Variants in ARHGAP15 observed in about 807,000 individuals in gnomAD.
ARHGAP15 encodes the protein Rho GTPase activating protein 15, also known as rho GTPase-activating protein 15.
A neutral mutation model predicts 63.7 loss-of-function variants in ARHGAP15; 51 were observed. The ratio of observed to expected loss-of-function variants is 0.80; its 90% CI spans 0.64 to 1.01. The LOEUF is 1.01. Among genes scored for constraint, ARHGAP15 ranks in the 50% least tolerant of loss-of-function variants. The pLI, the probability that ARHGAP15 is intolerant of heterozygous loss-of-function variation, is 0.00. For synonymous variants in ARHGAP15, 191 were observed against 193.8 expected (o/e 0.99, Z 0.12); for missense variants, 560 against 564.6 (o/e 0.99, Z 0.08).
intron 4 of ARHGAP15, among the ~76,000 whole-genome samples, chr2:143,218,196 A>C (rs1447646564): frequency 1.4e-5 from 2 of 143,152 alleles, no homozygotes; most frequent in Non-Finnish European, 3.1e-5. Flanking sequence ...ATTTGTTTGT[A>C]CTCTGTTTTA....
intron 6 of ARHGAP15, among the ~76,000 whole-genome samples, chr2:143,430,958 A>T (rs1457264857): frequency 6.6e-6 from 1 of 152,180 alleles, no homozygotes; most frequent in East Asian, 1.9e-4. Context: ...AAAATGCGAA[A>T]GGTATTTGTT....
At chr2:143,287,278 A>T (rs1682152081) in intron 6 of ARHGAP15, among the ~76,000 whole-genome samples, 1 of 152,182 alleles carries the variant, frequency 6.6e-6, no homozygotes, top group African/African-American at 2.4e-5. Flanking sequence ...ACACATTGGA[A>T]GAGATTAGAC....
At chr2:143,605,071 G>A (rs1005202136) in intron 11 of ARHGAP15, among the ~76,000 whole-genome samples, 3 of 152,062 alleles carry the variant, frequency 2.0e-5, no homozygotes, top group Non-Finnish European at 4.4e-5. Context: ...ACCATGCCTG[G>A]CTAAGTTTTG....
intron 2 of ARHGAP15, among the ~76,000 whole-genome samples, chr2:143,195,220 A>G (rs958776405): frequency 2.2e-4 from 33 of 150,374 alleles, no homozygotes; most frequent in African/African-American, 7.8e-4. Flanking sequence ...CCCCCTCCCA[A>G]AAAAAAAAGA....
intron 13 of ARHGAP15, among the ~76,000 whole-genome samples, chr2:143,741,508 T>A (rs1418674201): frequency 6.6e-6 from 1 of 152,236 alleles, no homozygotes; most frequent in African/African-American, 2.4e-5. Context: ...AACCCTCATG[T>A]GCCTTTTTTG....
At chr2:143,219,388 G>A (rs963994705) in intron 4 of ARHGAP15, among the ~76,000 whole-genome samples, 3 of 152,154 alleles carry the variant, frequency 2.0e-5, no homozygotes, top group Non-Finnish European at 2.9e-5. Flanking sequence ...ATCACCTAAC[G>A]ACACACTTCT....
At chr2:143,612,951 T>C (rs535580147) in intron 11 of ARHGAP15, among the ~76,000 whole-genome samples, 19 of 152,356 alleles carry the variant, frequency 1.2e-4, no homozygotes, top group African/African-American at 4.6e-4. Flanking sequence ...ATTGGTTTTC[T>C]AGTAGTTTAT....
chr2:143,611,607 T>A (rs1282994642), intron 11 of ARHGAP15, among the ~76,000 whole-genome samples: 1 of 152,208 alleles, frequency 6.6e-6, no homozygotes, highest in African/African-American at 2.4e-5. Flanking sequence ...CTTTCACTTC[T>A]ATGCTGATAA....
At chr2:143,541,996 A>G (rs1477841655) in intron 10 of ARHGAP15, among the ~76,000 whole-genome samples, 1 of 152,202 alleles carries the variant, frequency 6.6e-6, no homozygotes, top group East Asian at 1.9e-4. Flanking sequence ...AGAGGCAGGC[A>G]GGCCTCCTTG....
At chr2:143,445,204 A>C (rs1008805408) in intron 8 of ARHGAP15, among the ~76,000 whole-genome samples, 4 of 129,716 alleles carry the variant, frequency 3.1e-5, no homozygotes, top group Non-Finnish European at 4.6e-5. Flanking sequence ...TCTGTCACAC[A>C]GGCTTGAGTG....
At chr2:143,466,892 A>T (rs775385029) in intron 8 of ARHGAP15, among the ~76,000 whole-genome samples, 33 of 152,152 alleles carry the variant, frequency 2.2e-4, no homozygotes, top group Admixed American at 6.6e-4. Context: ...GGCAAAATGT[A>T]CTTCTCATCA....
chr2:143,664,708 A>G (rs1211346563), intron 12 of ARHGAP15, among the ~76,000 whole-genome samples: 1 of 152,242 alleles, frequency 6.6e-6, no homozygotes, highest in Non-Finnish European at 1.5e-5. Flanking sequence ...AGAATCAAAT[A>G]GACACAATAA....
In ARHGAP15 at chr2:143,142,341, G is replaced by T. The variant is rs567332297; in HGVS notation, c.-15+12875G>T. On this transcript the variant is annotated intron_variant, in intron 1 of 13. Transcript: ENST00000295095. ...CCAATAAATGTTTAGAGACTGACTGGAGCATTAGATTATTCTGTGAAAAAA... is the reference window on the plus strand; with the variant it reads ...CCAATAAATGTTTAGAGACTGACTGTAGCATTAGATTATTCTGTGAAAAAA... 2.0e-5 allele frequency among the ~76,000 whole-genome samples: 3 copies of T among 152,140 alleles called. No individual in the cohort carries two copies. The South Asian group carries it at 6.2e-4, about 32-fold the overall frequency.
intron 6 of ARHGAP15, among the ~76,000 whole-genome samples, chr2:143,403,829 A>T (rs1200553160): frequency 6.6e-6 from 1 of 151,822 alleles, no homozygotes; most frequent in East Asian, 1.9e-4. Flanking sequence ...TTCTATTATG[A>T]GTATATGAAG....
chr2:143,250,871 A>T (rs1680126838), intron 6 of ARHGAP15, among the ~76,000 whole-genome samples: 1 of 152,030 alleles, frequency 6.6e-6, no homozygotes, highest in South Asian at 2.1e-4. Context: ...TATGCGATAG[A>T]TGTCTGGAGT....
intron 2 of ARHGAP15, among the ~76,000 whole-genome samples, chr2:143,186,134 A>G (rs921062338): frequency 2.6e-5 from 4 of 152,156 alleles, no homozygotes; most frequent in African/African-American, 9.7e-5. Flanking sequence ...TAGATGAGGG[A>G]CATAAAATTA....
intron 12 of ARHGAP15, among the ~76,000 whole-genome samples, chr2:143,668,095 TTTAG>T (rs1682324567): frequency 6.6e-6 from 1 of 151,986 alleles, no homozygotes; most frequent in African/African-American, 2.4e-5. Context: ...GTTTTGTAGA[TTTAG>T]TAATTTTAGA....
rs116418891 is a variant in ARHGAP15, at chr2:143,133,236, T to C, written c.-15+3770T>C. 8.4e-3 allele frequency among the ~76,000 whole-genome samples: 1,275 copies of C among 152,208 alleles called. 15 individuals carry two copies. Among genetic ancestry groups the C allele is most frequent in the African/African-American group, 0.029 (1,205 of 41,514 alleles). On this transcript the variant is annotated intron_variant, in intron 1 of 13. Transcript: ENST00000295095. ...AACATTGCAAGGGACAGGAAGGAAA[T>C]ATGTCAAGGCACAAAAACACGGCGT...
chr2:143,642,282 G>A (rs1157045957), intron 12 of ARHGAP15, among the ~76,000 whole-genome samples: 1 of 151,842 alleles, frequency 6.6e-6, no homozygotes, highest in African/African-American at 2.4e-5. Context: ...ATAAGAAGAG[G>A]GTGAGTAGAT....
Sources: gnomAD v4.1 joint callset for allele counts (sites outside exome capture counted in the v4.1 genomes callset) on GRCh38, gnomAD v4.1.1 for gene constraint, MANE v1.5 for transcripts, NCBI Gene and HGNC (gene_info 2026-07-23, HGNC 2026-07-21) for gene names.